The following LRRTM4 variants were observed in gnomAD, a reference collection of about 807,000 sequenced individuals.
LRRTM4 encodes leucine rich repeat transmembrane neuronal 4, also known as leucine-rich repeat transmembrane neuronal protein 4.
In LRRTM4, 25 loss-of-function variants were observed where a neutral mutation model predicts 47.6. The observed-to-expected ratio is 0.53, with a 90% CI of 0.38 to 0.73. LRRTM4 has a LOEUF of 0.73. LRRTM4 is among the 30% of genes least tolerant of loss of function. LRRTM4 has a pLI of 0.00. For synonymous variants in LRRTM4, 311 were observed against 269.5 expected (o/e 1.15, Z -1.51); for missense variants, 638 against 713.4 (o/e 0.89, Z 1.20).
At chr2:76,943,293 A>T (rs76745646) in intron 3 of LRRTM4, among the ~76,000 whole-genome samples, 1 of 152,118 alleles carries the variant, frequency 6.6e-6, no homozygotes, top group African/African-American at 2.4e-5. Flanking sequence ...AAAATTAGCC[A>T]GGCATGGTGG....
chr2:77,358,163 C>T (rs1287788534), intron 3 of LRRTM4, among the ~76,000 whole-genome samples: 1 of 152,044 alleles, frequency 6.6e-6, no homozygotes, highest in East Asian at 1.9e-4. Context: ...TATGAAAGAA[C>T]ATCTGAGCCT....
In LRRTM4 at chr2:77,439,763, C is replaced by T. The variant is rs920554106; in HGVS notation, c.1551+78555G>A. Among the ~76,000 whole-genome samples, 4 of 152,196 alleles carry T rather than the reference C, an allele frequency of 2.6e-5. No homozygotes were observed. In the East Asian group the frequency reaches 7.7e-4, roughly 29 times the overall value. ...TTACAGGTGACGCTACTATACTGTG[C>T]CTATCTGGAAGCCAGTATTGTGCCA... is the stretch of plus-strand genomic sequence containing the variant. On this transcript the variant is annotated intron_variant, in intron 3 of 3. Coordinates refer to ENST00000409884, the MANE Select transcript of LRRTM4 (RefSeq NM_001134745.3).
intron 3 of LRRTM4, among the ~76,000 whole-genome samples, chr2:76,825,903 A>T (rs1671177551): frequency 6.6e-6 from 1 of 151,680 alleles, no homozygotes; most frequent in Non-Finnish European, 1.5e-5. Context: ...TGCAGTCTGT[A>T]AGAGCAGAAA....
At chr2:76,764,734 A>G (rs1446655023) in intron 3 of LRRTM4, among the ~76,000 whole-genome samples, 2 of 152,352 alleles carry the variant, frequency 1.3e-5, no homozygotes, top group East Asian at 1.9e-4. Flanking sequence ...AAGACTGCTG[A>G]ACTTCTTGGA....
intron 3 of LRRTM4, among the ~76,000 whole-genome samples, chr2:77,355,776 C>T (rs1220179236): frequency 6.6e-6 from 1 of 152,168 alleles, no homozygotes; most frequent in Non-Finnish European, 1.5e-5. Flanking sequence ...TGTCAACTCT[C>T]TTTGGAGTTT....
At chr2:77,265,110 G>T (rs1676016408) in intron 3 of LRRTM4, among the ~76,000 whole-genome samples, 1 of 152,010 alleles carries the variant, frequency 6.6e-6, no homozygotes, top group Admixed American at 6.6e-5. Context: ...ACAAAAAAGA[G>T]GCTTCACATA....
At chr2:76,849,723 G>C (rs1472182458) in intron 3 of LRRTM4, among the ~76,000 whole-genome samples, 1 of 151,960 alleles carries the variant, frequency 6.6e-6, no homozygotes, top group Non-Finnish European at 1.5e-5. Context: ...ACAAATGCTT[G>C]CGAAAAGATT....
At chr2:77,510,807 T>C (rs1678954446) in intron 3 of LRRTM4, among the ~76,000 whole-genome samples, 1 of 152,058 alleles carries the variant, frequency 6.6e-6, no homozygotes, top group African/African-American at 2.4e-5. Flanking sequence ...TATTTGAAGA[T>C]CTGAACCATT....
At chr2:77,150,732 A>C (rs2103784007) in intron 3 of LRRTM4, among the ~76,000 whole-genome samples, 1 of 152,268 alleles carries the variant, frequency 6.6e-6, no homozygotes, top group Non-Finnish European at 1.5e-5. Flanking sequence ...AGGTGGTTGG[A>C]TATTATTTTC....
intron 3 of LRRTM4, among the ~76,000 whole-genome samples, chr2:77,426,692 CT>C (rs1675118014): frequency 6.6e-6 from 1 of 151,934 alleles, no homozygotes; most frequent in Admixed American, 6.6e-5. Context: ...TTTGAATTCC[CT>C]TTTTATTAAC....
chr2:76,984,971 G>A (rs1371698811), intron 3 of LRRTM4, among the ~76,000 whole-genome samples: 1 of 151,808 alleles, frequency 6.6e-6, no homozygotes, highest in Non-Finnish European at 1.5e-5. Context: ...TGAAATTTGG[G>A]GAAAATCAGA....
intron 3 of LRRTM4, among the ~76,000 whole-genome samples, chr2:77,209,734 A>G (rs1388891560): frequency 6.6e-6 from 1 of 152,224 alleles, no homozygotes; most frequent in Non-Finnish European, 1.5e-5. Flanking sequence ...CAACAAAACA[A>G]TTGCATTGAA....
chr2:77,167,711 C>T (rs1042514704), intron 3 of LRRTM4, among the ~76,000 whole-genome samples: 1 of 152,060 alleles, frequency 6.6e-6, no homozygotes, highest in African/African-American at 2.4e-5. Context: ...GACAGAAAAC[C>T]AAACACTGCA....
At chr2:77,337,407 T>C (rs1671205661) in intron 3 of LRRTM4, among the ~76,000 whole-genome samples, 2 of 152,226 alleles carry the variant, frequency 1.3e-5, no homozygotes, top group South Asian at 4.1e-4. Context: ...GGAAAGAGCC[T>C]GATATGGTTT....
In LRRTM4 at chr2:76,775,580, T is replaced by C. The variant is rs1294214653; in HGVS notation, c.1552-26664A>G. Among the ~76,000 whole-genome samples the C allele has an allele frequency of 2.0e-5, 3 of 152,252 alleles. No homozygotes were observed. The Middle Eastern group carries it at 0.01, about 525-fold the overall frequency. On this transcript the variant is annotated intron_variant, in intron 3 of 3. Coordinates refer to ENST00000409884, the MANE Select transcript of LRRTM4 (RefSeq NM_001134745.3). ...TGTTGTAAAACAGACCTTCCTGTTT[T>C]ACAAGCAAAAGACTGGCAGCTGGTG...
chr2:77,339,837 CA>C (rs1284879757), intron 3 of LRRTM4, among the ~76,000 whole-genome samples: 1 of 151,844 alleles, frequency 6.6e-6, no homozygotes. Context: ...AAGGTTGTAT[CA>C]GGGGAAGCTT....
intron 3 of LRRTM4, among the ~76,000 whole-genome samples, chr2:76,947,523 T>C (rs1675361758): frequency 1.3e-5 from 2 of 151,986 alleles, no homozygotes; most frequent in South Asian, 4.1e-4. Flanking sequence ...TGTTATTTAG[T>C]GTTCACTCAT....
At chr2:77,360,247 G>A (rs2104313103) in intron 3 of LRRTM4, among the ~76,000 whole-genome samples, 1 of 152,148 alleles carries the variant, frequency 6.6e-6, no homozygotes, top group Non-Finnish European at 1.5e-5. Context: ...CACGAGGTCA[G>A]GAGACAGAGA....
At chr2:76,972,748 T>C (rs1312927765) in intron 3 of LRRTM4, among the ~76,000 whole-genome samples, 1 of 151,992 alleles carries the variant, frequency 6.6e-6, no homozygotes, top group Non-Finnish European at 1.5e-5. Context: ...TCTTTCTGTG[T>C]GCAGTGTGGT....
Sources: gnomAD v4.1 joint callset for allele counts (sites outside exome capture counted in the v4.1 genomes callset) on GRCh38, gnomAD v4.1.1 for gene constraint, MANE v1.5 for transcripts, NCBI Gene and HGNC (gene_info 2026-07-23, HGNC 2026-07-21) for gene names.